WBP1L: variants seen among roughly 807,000 people sequenced by gnomAD.
WBP1L encodes the protein WW domain binding protein 1 like, also known as WW domain binding protein 1-like.
WBP1L carries 17 observed loss-of-function variants against 33.7 expected under a neutral mutation model. The observed-to-expected ratio is 0.50, with a 90% CI of 0.34 to 0.76. The LOEUF is 0.76. Ranked by LOEUF, WBP1L falls within the 30% of genes least tolerant of loss-of-function variation. The probability of loss-of-function intolerance (pLI) is 0.01; values close to 1 mark genes in which losing one functional copy is unlikely to be tolerated. For synonymous variants in WBP1L, 173 were observed against 190.8 expected (o/e 0.91, Z 0.77); for missense variants, 389 against 469.4 (o/e 0.83, Z 1.58).
At chr10:102,784,082 A>G (rs1236611496) in intron 1 of WBP1L, among the ~76,000 whole-genome samples, 1 of 152,150 alleles carries the variant, frequency 6.6e-6, no homozygotes, top group East Asian at 1.9e-4. Context: ...GATATGACCA[A>G]GCCCATCTGA....
intron 1 of WBP1L, among the ~76,000 whole-genome samples, chr10:102,748,391 A>G (rs1210159655): frequency 1.3e-5 from 2 of 151,898 alleles, no homozygotes; most frequent in African/African-American, 4.8e-5. Context: ...CTCCATTCCC[A>G]GTTTTCAGTC....
At chr10:102,755,906 G>C (rs965715789) in intron 1 of WBP1L, among the ~76,000 whole-genome samples, 1 of 151,192 alleles carries the variant, frequency 6.6e-6, no homozygotes, top group Non-Finnish European at 1.5e-5. Flanking sequence ...TTAGCCGGGC[G>C]TGGTGGTGGG....
chr10:102,809,772 A>AG, intron 2 of WBP1L, 121 bp from the exon 3 acceptor site: 1 of 1,095,004 alleles, frequency 9.1e-7, no homozygotes, highest in Non-Finnish European at 1.3e-6. Context: ...TAACTGGGTG[A>AG]GGCCCAGCCA....
rs113753781 is a variant in WBP1L at position 102,800,593 on chromosome 10, C to T, written c.193+2498C>T. On this transcript the variant is annotated intron_variant, in intron 2 of 3. Transcript: ENST00000448841. ...GTCTAGACGGAGAGAAAAGGTGCCCCGTTAAATGAGCTGGCATGTGTTTTC... is the reference window on the plus strand; with the variant it reads ...GTCTAGACGGAGAGAAAAGGTGCCCTGTTAAATGAGCTGGCATGTGTTTTC... Among the ~76,000 whole-genome samples, 214 of 152,278 alleles carry T rather than the reference C, an allele frequency of 1.4e-3. 1 individual carries two copies. The highest frequency in any genetic ancestry group is 4.4e-3 in the Admixed American group (67 of 15,292).
chr10:102,785,312 C>T (rs1177226825), intron 1 of WBP1L, among the ~76,000 whole-genome samples: 2 of 151,872 alleles, frequency 1.3e-5, no homozygotes, highest in South Asian at 2.1e-4. Context: ...CTCAGCCTCC[C>T]GAGATGTTGG....
At chr10:102,789,828 C>T (rs185744992) in intron 1 of WBP1L, among the ~76,000 whole-genome samples, 131 of 151,414 alleles carry the variant, frequency 8.7e-4, no homozygotes, top group Admixed American at 2.6e-3. Context: ...CTGCAACCCC[C>T]GCCTCTCAGG....
chr10:102,777,073 G>A (rs751905515), intron 1 of WBP1L, among the ~76,000 whole-genome samples: 3 of 152,098 alleles, frequency 2.0e-5, no homozygotes, highest in African/African-American at 4.8e-5. Flanking sequence ...CATTCCAGCC[G>A]GTAAAGCAGT....
At chr10:102,762,956 G>C (rs1424452349) in intron 1 of WBP1L, among the ~76,000 whole-genome samples, 1 of 152,122 alleles carries the variant, frequency 6.6e-6, no homozygotes, top group Non-Finnish European at 1.5e-5. Flanking sequence ...TGTAATCCCA[G>C]TGCTTTGGGT....
intron 1 of WBP1L, among the ~76,000 whole-genome samples, chr10:102,752,363 T>C (rs1483359583): frequency 6.6e-6 from 1 of 152,194 alleles, no homozygotes; most frequent in Non-Finnish European, 1.5e-5. Flanking sequence ...TGAAATAACC[T>C]TGGACAGCGA....
chr10:102,811,013 C>A (rs543864890), intron 3 of WBP1L, among the ~76,000 whole-genome samples: 1 of 151,578 alleles, frequency 6.6e-6, no homozygotes, highest in South Asian at 2.1e-4. Context: ...TCTTTAATGG[C>A]AGATAGTCAG....
intron 1 of WBP1L, among the ~76,000 whole-genome samples, chr10:102,782,593 G>A (rs566323678): frequency 1.3e-5 from 2 of 152,102 alleles, no homozygotes; most frequent in South Asian, 2.1e-4. Context: ...TTGCTAATTT[G>A]TAGCAACAGT....
intron 2 of WBP1L, among the ~76,000 whole-genome samples, chr10:102,799,735 C>T (rs755054541): frequency 5.3e-5 from 8 of 152,114 alleles, no homozygotes; most frequent in Non-Finnish European, 8.8e-5. Flanking sequence ...ATCCTATCTG[C>T]GCCTTTCCCC....
rs556597597 is a variant in WBP1L at position 102,756,463 on chromosome 10, AT to A, written c.90+12329del. ...TGTAATGTAGCATTTCACAAGATGC[AT>A]TTTTTTTTAACCTTAATATACTGTG... is the stretch of plus-strand genomic sequence containing the variant. On this transcript the variant is annotated intron_variant, in intron 1 of 3. Coordinates refer to ENST00000448841, the MANE Select transcript of WBP1L (RefSeq NM_001083913.2). Among the ~76,000 whole-genome samples, 504 of 151,108 alleles carry A rather than the reference AT, an allele frequency of 3.3e-3. 4 individuals carry two copies. Among genetic ancestry groups the A allele is most frequent in the African/African-American group, 0.011 (473 of 41,148 alleles).
At chr10:102,755,203 T>G (rs1325240395) in intron 1 of WBP1L, among the ~76,000 whole-genome samples, 1 of 151,886 alleles carries the variant, frequency 6.6e-6, no homozygotes. Flanking sequence ...CGCCTCAGCT[T>G]CCCAAAGTGC....
intron 1 of WBP1L, among the ~76,000 whole-genome samples, chr10:102,762,790 C>T (rs1014646331): frequency 4.6e-5 from 7 of 152,166 alleles, no homozygotes; most frequent in South Asian, 2.1e-4. Context: ...TCCAGCTCTT[C>T]GGGGATGCAA....
chr10:102,812,250 T>C (rs1374716131), intron 3 of WBP1L, among the ~76,000 whole-genome samples: 1 of 152,224 alleles, frequency 6.6e-6, no homozygotes, highest in African/African-American at 2.4e-5. Context: ...CTTGTGTGCA[T>C]GTGGAAGTGG....
intron 1 of WBP1L, chr10:102,746,126 G>T: frequency 1.0e-6 from 1 of 985,256 alleles, no homozygotes; most frequent in Non-Finnish European, 1.2e-6. Context: ...TTTCAGCAAC[G>T]GGGATGATGG....
At chr10:102,767,499 C>T (rs1302964753) in intron 1 of WBP1L, among the ~76,000 whole-genome samples, 1 of 152,030 alleles carries the variant, frequency 6.6e-6, no homozygotes, top group African/African-American at 2.4e-5. Context: ...AGCCACTGCA[C>T]CCCAGCCAGG....
intron 1 of WBP1L, among the ~76,000 whole-genome samples, chr10:102,785,182 C>CTTTTT (rs35342758): frequency 8.0e-6 from 1 of 124,986 alleles, no homozygotes; most frequent in African/African-American, 3.0e-5. Context: ...CACCAGCCCA[C>CTTTTT]TTTTTTTTTT....
Sources: gnomAD v4.1 joint callset for allele counts (sites outside exome capture counted in the v4.1 genomes callset) on GRCh38, gnomAD v4.1.1 for gene constraint, MANE v1.5 for transcripts, NCBI Gene and HGNC (gene_info 2026-07-23, HGNC 2026-07-21) for gene names.